Variants in BANP observed in about 807,000 individuals in gnomAD.
The protein encoded by BANP is protein BANP.
BANP carries 11 observed loss-of-function variants against 68.1 expected under a neutral mutation model. The observed-to-expected ratio is 0.16, with a 90% CI of 0.10 to 0.27. The LOEUF is 0.27. Among genes scored for constraint, BANP ranks in the 10% least tolerant of loss-of-function variants. The pLI is 1.00. For synonymous variants in BANP, 329 were observed against 303.2 expected (o/e 1.09, Z -0.88); for missense variants, 504 against 722.7 (o/e 0.70, Z 3.47).
intron 13 of BANP, among the ~76,000 whole-genome samples, chr16:88,073,982 A>G (rs1567953767): frequency 1.3e-5 from 2 of 152,356 alleles, no homozygotes; most frequent in East Asian, 3.9e-4. Context: ...AGAAAACCCC[A>G]GCGTGGTTGG....
Position 88,004,286 on chromosome 16 carries a change from G to T in BANP, c.363-9G>T, listed in dbSNP as rs781676178. ...CCTTCTTTTTCTTTGTGATTCTTTTGTTCCCTAGCGTCGTCCCCCAGACTA... is the reference window on the plus strand; with the variant it reads ...CCTTCTTTTTCTTTGTGATTCTTTTTTTCCCTAGCGTCGTCCCCCAGACTA... On this transcript the variant is annotated splice_polypyrimidine_tract_variant and intron_variant, in intron 4 of 13. Coordinates refer to ENST00000682872, the MANE Select transcript of BANP (RefSeq NM_001386991.1). This position sits in a 1 kb window ranked among gnomAD's most constrained non-coding sequence, Gnocchi z 7.0. The T allele has an allele frequency of 6.8e-7, 1 of 1,478,270 alleles. No individual in the cohort carries two copies. The highest frequency in any genetic ancestry group is 9.2e-7 in the Non-Finnish European group (1 of 1,081,348). The allele number at this position is 1,478,270 out of a possible 1,614,324, so 91.6% of individuals were successfully genotyped here. A position where few individuals can be genotyped will look rare whatever the true frequency, so the allele number is the denominator to read the frequency against.
chr16:88,061,139 C>G (rs1324631259), intron 11 of BANP, among the ~76,000 whole-genome samples: 1 of 152,210 alleles, frequency 6.6e-6, no homozygotes, highest in Non-Finnish European at 1.5e-5. Flanking sequence ...GATTGAGGTT[C>G]ATGCTGAAAC....
At position 88,064,015 on chromosome 16, in the gene BANP, C is replaced by T. The variant is rs919946485; in HGVS notation, c.1312-1252C>T. Among the ~76,000 whole-genome samples, 39 of 152,230 alleles carry T rather than the reference C, an allele frequency of 2.6e-4. No homozygotes were observed. Among genetic ancestry groups the T allele is most frequent in the African/African-American group, 8.4e-4 (35 of 41,528 alleles). On this transcript the variant is annotated intron_variant, in intron 11 of 13. Transcript: ENST00000682872. The surrounding 1 kb of genome is among the most constrained non-coding windows in gnomAD (Gnocchi z 4.5). Reference sequence around the variant, plus strand: ...AAACACTTAATGTACACTTAAGATTCGAAGAAAGAGGTACCGGGGCTTTTG... The same window carrying T: ...AAACACTTAATGTACACTTAAGATTTGAAGAAAGAGGTACCGGGGCTTTTG...
chr16:87,988,097 GA>G (rs1452252255), intron 4 of BANP, among the ~76,000 whole-genome samples: 12 of 151,946 alleles, frequency 7.9e-5, no homozygotes, highest in Non-Finnish European at 1.5e-4. Flanking sequence ...GTATGTCAAT[GA>G]AAAAAAGTAT....
At chr16:87,949,915 C>T (rs1373803909), upstream of BANP, among the ~76,000 whole-genome samples, 60 of 148,852 alleles carry the variant, frequency 4.0e-4, no homozygotes, top group East Asian at 3.0e-3. Context: ...TCTCGTTCTG[C>T]TGCCCAGGCT....
intron 1 of BANP, among the ~76,000 whole-genome samples, chr16:87,962,532 AGC>A (rs2059376157): frequency 6.6e-6 from 1 of 152,156 alleles, no homozygotes; most frequent in African/African-American, 2.4e-5. Flanking sequence ...ACTGCCTTAG[AGC>A]CTAGACGCTT....
At chr16:88,021,203 A>G (rs1477821335) in intron 7 of BANP, among the ~76,000 whole-genome samples, 6 of 152,184 alleles carry the variant, frequency 3.9e-5, no homozygotes, top group South Asian at 2.1e-4. Context: ...TGTGTTCACC[A>G]GGCTGCTGAA....
chr16:88,005,426 A>C (rs1025007498), intron 5 of BANP, among the ~76,000 whole-genome samples: 5 of 152,176 alleles, frequency 3.3e-5, no homozygotes, highest in Non-Finnish European at 7.4e-5. Context: ...GTAGCAGTCC[A>C]CGGTAGAGGA....
At chr16:88,027,389 G>C in intron 7 of BANP, 94 bp from the exon 8 acceptor site, 1 of 1,434,072 alleles carries the variant, frequency 7.0e-7, no homozygotes, top group Non-Finnish European at 9.7e-7. Flanking sequence ...GCCTGGGTGA[G>C]GCCTCTTCAG....
At chr16:88,013,979 C>T (rs1440077243) in intron 6 of BANP, among the ~76,000 whole-genome samples, 2 of 152,154 alleles carry the variant, frequency 1.3e-5, no homozygotes, top group South Asian at 2.1e-4. Flanking sequence ...AAGCGCAGGG[C>T]GTGGAGCTGT....
At position 88,018,029 on chromosome 16, in the gene BANP, T is replaced by G. The variant is rs928261017; in HGVS notation, c.656-399T>G. On this transcript the variant is annotated intron_variant, in intron 6 of 13. Coordinates refer to ENST00000682872, the MANE Select transcript of BANP (RefSeq NM_001386991.1). The surrounding 1 kb of genome is among the most constrained non-coding windows in gnomAD (Gnocchi z 7.7). ...TGGCTGGCCAGTGGGAGAGCATGGCTGGCAGTGAGGTGTGAGGGACCCCGG... is the reference window on the plus strand; with the variant it reads ...TGGCTGGCCAGTGGGAGAGCATGGCGGGCAGTGAGGTGTGAGGGACCCCGG... Among the ~76,000 whole-genome samples the G allele has an allele frequency of 4.9e-4, 74 of 151,988 alleles. 1 individual carries two copies. The highest frequency in any genetic ancestry group is 1.3e-4 in the Non-Finnish European group (9 of 67,980).
In BANP at chr16:88,036,506, C is replaced by T. The variant is rs2079399855; in HGVS notation, c.1272+1112C>T. The stretch of plus-strand genomic sequence containing the variant: ...GACTGTGGACACATGCACGCCGTGG[C>T]ACGTGGAGCACCAGGGACTCGGGCG... On this transcript the variant is annotated intron_variant, in intron 10 of 13. Transcript: ENST00000682872. This position sits in a 1 kb window ranked among gnomAD's most constrained non-coding sequence, Gnocchi z 4.2. Among the ~76,000 whole-genome samples the T allele has an allele frequency of 6.6e-6, 1 of 152,140 alleles. No individual in the cohort carries two copies. The highest frequency in any genetic ancestry group is 2.4e-5 in the African/African-American group (1 of 41,422).
At chr16:88,035,834 T>C (rs1169922481) in intron 10 of BANP, among the ~76,000 whole-genome samples, 1 of 152,224 alleles carries the variant, frequency 6.6e-6, no homozygotes, top group Admixed American at 6.5e-5. Context: ...GCCGATTTCA[T>C]GGGATGGTGG....
intron 7 of BANP, among the ~76,000 whole-genome samples, chr16:88,024,050 C>G (rs2076511595): frequency 6.6e-6 from 1 of 152,212 alleles, no homozygotes; most frequent in African/African-American, 2.4e-5. Context: ...TCCTTGTGTC[C>G]TGGGCGCTGC....
At chr16:88,055,910 G>C (rs1451556533) in intron 11 of BANP, among the ~76,000 whole-genome samples, 2 of 152,232 alleles carry the variant, frequency 1.3e-5, no homozygotes, top group Non-Finnish European at 2.9e-5. Flanking sequence ...ACCAGAAATG[G>C]TGGAAAATGT....
intron 2 of BANP, among the ~76,000 whole-genome samples, chr16:87,979,345 A>G (rs2062822752): frequency 6.6e-6 from 1 of 152,142 alleles, no homozygotes. Flanking sequence ...ATCGGTGGGC[A>G]GCCTTGTGTG....
intron 7 of BANP, among the ~76,000 whole-genome samples, chr16:88,019,557 C>G (rs2075424140): frequency 2.3e-5 from 2 of 86,866 alleles, no homozygotes; most frequent in African/African-American, 8.0e-5. Flanking sequence ...TCCGGGATCT[C>G]AGCGTGCGGG....
chr16:87,979,531 G>A (rs1429297878), intron 2 of BANP, among the ~76,000 whole-genome samples: 2 of 152,118 alleles, frequency 1.3e-5, no homozygotes, highest in Non-Finnish European at 2.9e-5. Flanking sequence ...CTGGAGGGTT[G>A]GCAGTATGGG....
At chr16:87,990,960 C>G (rs1264930033) in intron 4 of BANP, among the ~76,000 whole-genome samples, 1 of 152,154 alleles carries the variant, frequency 6.6e-6, no homozygotes. Context: ...GACGGGGTTT[C>G]ACCGTGTTAG....
Sources: gnomAD v4.1 joint callset for allele counts (sites outside exome capture counted in the v4.1 genomes callset) on GRCh38, gnomAD v4.1.1 for gene constraint, Gnocchi (gnomAD v3.1) non-coding constraint, MANE v1.5 for transcripts, NCBI Gene and HGNC (gene_info 2026-07-23, HGNC 2026-07-21) for gene names.